The following C3orf33 variants were observed in gnomAD, a reference collection of about 807,000 sequenced individuals.
C3orf33 encodes AP-1 activity suppressor.
C3orf33 carries 23 observed loss-of-function variants against 28.7 expected under a neutral mutation model. That is an observed-to-expected ratio of 0.80 (90% CI 0.58 to 1.13). The LOEUF (loss-of-function observed/expected upper bound fraction) is 1.13, where lower values mean the gene tolerates loss of function less well. C3orf33 is among the 50% of genes most tolerant of loss of function. C3orf33 has a pLI of 0.00. For synonymous variants in C3orf33, 119 were observed against 120.5 expected (o/e 0.99, Z 0.08); for missense variants, 327 against 353.4 (o/e 0.93, Z 0.60).
intron 3 of C3orf33, among the ~76,000 whole-genome samples, chr3:155,771,433 C>T (rs1299498218): frequency 6.6e-6 from 1 of 152,156 alleles, no homozygotes; most frequent in Non-Finnish European, 1.5e-5. Flanking sequence ...AGGCCTGCAT[C>T]ACCACACTCA....
At chr3:155,781,031 C>G (rs1320328137) in intron 2 of C3orf33, among the ~76,000 whole-genome samples, 1 of 151,234 alleles carries the variant, frequency 6.6e-6, no homozygotes, top group Admixed American at 6.6e-5. Flanking sequence ...CGCTCTGTCG[C>G]CCAGGTGGGA....
At chr3:155,775,261 G>A (rs1367925771) in intron 3 of C3orf33, among the ~76,000 whole-genome samples, 2 of 152,082 alleles carry the variant, frequency 1.3e-5, no homozygotes, top group Admixed American at 6.6e-5. Context: ...AGGCCGAGGT[G>A]GGCGGATCAC....
At chr3:155,789,695 C>T (rs1372681784) in intron 2 of C3orf33, among the ~76,000 whole-genome samples, 1 of 151,882 alleles carries the variant, frequency 6.6e-6, no homozygotes, top group Non-Finnish European at 1.5e-5. Context: ...AATTAGAAGA[C>T]TCACACTTCC....
intron 3 of C3orf33, among the ~76,000 whole-genome samples, chr3:155,768,802 T>C (rs547866632): frequency 1.1e-4 from 17 of 152,352 alleles, no homozygotes; most frequent in African/African-American, 3.6e-4. Context: ...TGTCCTAGAA[T>C]TTTAGTTTGA....
intron 3 of C3orf33, among the ~76,000 whole-genome samples, chr3:155,769,069 T>C (rs1750497073): frequency 6.6e-6 from 1 of 151,986 alleles, no homozygotes. Context: ...TCCCAGCACT[T>C]TGGGAGGCTG....
intron 3 of C3orf33, among the ~76,000 whole-genome samples, chr3:155,774,638 T>C (rs1750684625): frequency 1.3e-5 from 2 of 150,922 alleles, no homozygotes; most frequent in South Asian, 4.2e-4. Context: ...ATTTGTAAAC[T>C]TTCTTAAAAC....
intron 4 of C3orf33, among the ~76,000 whole-genome samples, chr3:155,766,641 G>A (rs1750409775): frequency 6.6e-6 from 1 of 152,202 alleles, no homozygotes; most frequent in South Asian, 2.1e-4. Flanking sequence ...AATTAGCAAT[G>A]CCCAGAGTCA....
chr3:155,772,142 C>A (rs1750611744), intron 3 of C3orf33, among the ~76,000 whole-genome samples: 1 of 152,078 alleles, frequency 6.6e-6, no homozygotes, highest in Non-Finnish European at 1.5e-5. Flanking sequence ...AAGGAGGAGG[C>A]TGCAATGAAC....
At chr3:155,771,260 C>T (rs954655388) in intron 3 of C3orf33, among the ~76,000 whole-genome samples, 2 of 152,002 alleles carry the variant, frequency 1.3e-5, no homozygotes, top group African/African-American at 2.4e-5. Context: ...CACACGCCAT[C>T]GGGCCCAGCT....
intron 2 of C3orf33, among the ~76,000 whole-genome samples, chr3:155,782,944 A>C (rs1305671791): frequency 6.6e-6 from 1 of 152,214 alleles, no homozygotes; most frequent in African/African-American, 2.4e-5. Context: ...ACAAATCTGA[A>C]ATCTGAACTG....
At chr3:155,771,011 C>G in intron 3 of C3orf33, among the ~76,000 whole-genome samples, 10 of 108,962 alleles carry the variant, frequency 9.2e-5, no homozygotes, top group South Asian at 3.2e-4. Context: ...TAGTTTTGCT[C>G]TGCCACTGTG....
chr3:155,764,421 A>T (rs541542527), intron 4 of C3orf33, among the ~76,000 whole-genome samples: 5 of 152,184 alleles, frequency 3.3e-5, no homozygotes, highest in African/African-American at 7.2e-5. Context: ...TTTTTAAAAG[A>T]CTTCCCTCAA....
At chr3:155,795,034 C>T (rs1357146001) in intron 2 of C3orf33, among the ~76,000 whole-genome samples, 1 of 152,140 alleles carries the variant, frequency 6.6e-6, no homozygotes, top group African/African-American at 2.4e-5. Flanking sequence ...TTAATCTGCA[C>T]GATAGACCAA....
chr3:155,805,762 GCT>G (rs1179979522), intron 1 of C3orf33: 1 of 480,616 alleles, frequency 2.1e-6, no homozygotes, highest in Admixed American at 2.3e-5. Context: ...AATTAGAAAT[GCT>G]CTCTCCCAAG....
In C3orf33 at chr3:155,767,609, T is replaced by C. The variant is rs758381736; in HGVS notation, c.383A>G (p.Lys128Arg). ...TTTTAGCTCTTTTTGTAACCATGCC[T>C]TCCCAGTTTCAGCGAGTTCTACTCC... is the stretch of plus-strand genomic sequence containing the variant. Reference protein sequence around the residue: ...LAGVELAETGKAWLQKELKPS... With the variant: ...LAGVELAETGRAWLQKELKPS... Residue 128 changes from lysine to arginine, a missense_variant, in exon 4 of 5, where the codon AAG (lysine) becomes AGG (arginine). Lys to Arg is a conservative substitution (Grantham distance 26). Transcript: ENST00000340171. 1.9e-6 allele frequency: 3 copies of C among 1,592,250 alleles called. No homozygotes were observed. Among genetic ancestry groups the C allele is most frequent in the Non-Finnish European group, 2.6e-6 (3 of 1,166,632 alleles).
At position 155,803,192 on chromosome 3, in the gene C3orf33, A is replaced by T. The variant is rs190581149; in HGVS notation, c.115-601T>A. 6.6e-5 allele frequency among the ~76,000 whole-genome samples: 10 copies of T among 151,060 alleles called. No individual in the cohort carries two copies. In the East Asian group the frequency reaches 1.9e-3, roughly 29 times the overall value. ...GGGGTAGGCCTAAAGGAGTTAATGAAAAATTAAGAATCCTGCAACTCTCTC... is the reference window on the plus strand; with the variant it reads ...GGGGTAGGCCTAAAGGAGTTAATGATAAATTAAGAATCCTGCAACTCTCTC... On this transcript the variant is annotated intron_variant, in intron 1 of 4. Transcript: ENST00000340171.
At chr3:155,785,983 T>A (rs1027668479) in intron 2 of C3orf33, among the ~76,000 whole-genome samples, 3 of 148,704 alleles carry the variant, frequency 2.0e-5, no homozygotes, top group Non-Finnish European at 4.4e-5. Context: ...AAGACTGCAG[T>A]GAGCCATGGT....
chr3:155,766,068 G>A (rs367553697), intron 4 of C3orf33, among the ~76,000 whole-genome samples: 188 of 152,170 alleles, frequency 1.2e-3, no homozygotes, highest in African/African-American at 3.9e-3. Flanking sequence ...TCTCTCTATC[G>A]CCCAGGTTGG....
Position 155,765,664 on chromosome 3 carries a change from C to T in C3orf33, c.484-1746G>A, listed in dbSNP as rs528972796. Among the ~76,000 whole-genome samples the T allele has an allele frequency of 2.4e-3, 370 of 152,276 alleles. 3 individuals carry two copies. The highest frequency in any genetic ancestry group is 8.7e-3 in the African/African-American group (362 of 41,552). On this transcript the variant is annotated intron_variant, in intron 4 of 4. Transcript: ENST00000340171. ...CAGGGTTCAAGTGATTCTCTTGCCT[C>T]AACCTCCTGAGTAGCTGGGATTCCA...
Sources: gnomAD v4.1 joint callset for allele counts (sites outside exome capture counted in the v4.1 genomes callset) on GRCh38, gnomAD v4.1.1 for gene constraint, MANE v1.5 for transcripts, NCBI Gene and HGNC (gene_info 2026-07-23, HGNC 2026-07-21) for gene names.